LRRFIP2: variants seen among roughly 807,000 people sequenced by gnomAD.
LRRFIP2 encodes LRR binding FLII interacting protein 2, also known as leucine-rich repeat flightless-interacting protein 2.
Under a neutral mutation model 125.9 loss-of-function variants are expected in LRRFIP2, and 109 were observed. The ratio of observed to expected loss-of-function variants is 0.87; its 90% confidence interval spans 0.74 to 1.01. The LOEUF (loss-of-function observed/expected upper bound fraction) is 1.01, where lower values mean the gene tolerates loss of function less well. Among genes scored for constraint, LRRFIP2 ranks in the 50% least tolerant of loss-of-function variants. The pLI is 0.00. For synonymous variants in LRRFIP2, 291 were observed against 293.1 expected, an observed-to-expected ratio of 0.99 and a Z score of 0.07; for missense variants, 850 against 862.3, an observed-to-expected ratio of 0.99 and a Z score of 0.18.
chr3:37,065,619 AC>A, intron 23 of LRRFIP2, 190 bp downstream of exon 23: 2 of 726,064 alleles, frequency 2.8e-6, no homozygotes, highest in South Asian at 1.5e-5. Context: ...CCTTACAGTG[AC>A]CCAGATGCTG....
At chr3:37,135,393 G>C (rs778934863) in intron 2 of LRRFIP2, among the ~76,000 whole-genome samples, 1 of 151,592 alleles carries the variant, frequency 6.6e-6, no homozygotes, top group African/African-American at 2.4e-5. Flanking sequence ...AGGAGGCGGA[G>C]GCTGCAGTGA....
chr3:37,083,744 G>A lies in LRRFIP2; in HGVS notation c.1170C>T (p.Asp390=), dbSNP rs576073289. The A allele has an allele frequency of 6.2e-7, 1 of 1,601,348 alleles. No homozygotes were observed. Among genetic ancestry groups the A allele is most frequent in the East Asian group, 2.3e-5 (1 of 43,762 alleles). Residue 390 remains aspartate, a synonymous_variant, in exon 19 of 28, where the codon GAC becomes GAT. Coordinates refer to ENST00000336686, the MANE Select transcript of LRRFIP2 (RefSeq NM_006309.4). ...GGTAGATCAAATTGTTCTTCTCATT[G>A]TCTAACTGTGCATTGGAAACCATGG... ...KKAMVSNAQL[D]NEKNNLIYQV...
Position 37,092,492 on chromosome 3 carries a change from C to T in LRRFIP2, c.1036-954G>A, listed in dbSNP as rs529299518. On this transcript the variant is annotated intron_variant, in intron 17 of 27. Coordinates refer to ENST00000336686, the MANE Select transcript of LRRFIP2 (RefSeq NM_006309.4). ...CAGATGGTAGGATACAAAAATAACA[C>T]TTCCTTCAAGAAGGTCATTCTCTCA... Among the ~76,000 whole-genome samples the T allele has an allele frequency of 2.0e-5, 3 of 152,330 alleles. No individual in the cohort carries two copies. The South Asian group carries it at 6.2e-4, about 32-fold the overall frequency.
intron 1 of LRRFIP2, among the ~76,000 whole-genome samples, chr3:37,158,363 T>A (rs1204158427): frequency 6.6e-6 from 1 of 152,006 alleles, no homozygotes; most frequent in Non-Finnish European, 1.5e-5. Flanking sequence ...TCCCAGCACT[T>A]TGGGAGGTCA....
At chr3:37,166,168 A>G (rs1444743784) in intron 1 of LRRFIP2, among the ~76,000 whole-genome samples, 2 of 152,036 alleles carry the variant, frequency 1.3e-5, no homozygotes, top group Non-Finnish European at 2.9e-5. Flanking sequence ...CGTCTCTACT[A>G]AAAATACAAA....
chr3:37,081,486 C>T (rs1384226770), intron 19 of LRRFIP2, among the ~76,000 whole-genome samples: 1 of 151,794 alleles, frequency 6.6e-6, no homozygotes, highest in Non-Finnish European at 1.5e-5. Context: ...CAAGAGAGCT[C>T]GGAGTAAAGG....
chr3:37,161,601 T>C (rs1016546412), intron 1 of LRRFIP2, among the ~76,000 whole-genome samples: 12 of 152,220 alleles, frequency 7.9e-5, no homozygotes, highest in Non-Finnish European at 1.8e-4. Flanking sequence ...AGTTTCCTTG[T>C]AGGGGTAATG....
chr3:37,169,252 A>T (rs9858334), intron 1 of LRRFIP2, among the ~76,000 whole-genome samples: 4,990 of 152,328 alleles, frequency 0.033, 232 homozygotes, highest in African/African-American at 0.1. Context: ...AAATATTTTT[A>T]AAAAAGGTCA....
intron 21 of LRRFIP2, chr3:37,066,966 C>T (rs1437393719): frequency 6.6e-6 from 1 of 152,194 alleles, no homozygotes; most frequent in Non-Finnish European, 1.5e-5. Context: ...CTGTTATACT[C>T]CCAAAATGTG....
At chr3:37,150,543 C>T (rs1165168576) in intron 1 of LRRFIP2, among the ~76,000 whole-genome samples, 1 of 152,038 alleles carries the variant, frequency 6.6e-6, no homozygotes, top group African/African-American at 2.4e-5. Flanking sequence ...AGAAGAAAAA[C>T]CCATCCACCA....
At chr3:37,095,290 C>T (rs1576469386) in intron 16 of LRRFIP2, among the ~76,000 whole-genome samples, 1 of 152,186 alleles carries the variant, frequency 6.6e-6, no homozygotes. Context: ...CAGCACTTCC[C>T]CTTTTTAATT....
chr3:37,152,847 G>C (rs1176491221), intron 1 of LRRFIP2, among the ~76,000 whole-genome samples: 12 of 152,182 alleles, frequency 7.9e-5, no homozygotes. Context: ...TGACAATTTA[G>C]TGAATGCACT....
intron 6 of LRRFIP2, among the ~76,000 whole-genome samples, chr3:37,116,312 T>TA (rs113387783): frequency 0.041 from 5,984 of 146,752 alleles, 343 homozygotes; most frequent in African/African-American, 0.13. Context: ...TTTTTTTTTT[T>TA]AATTTTAGGA....
intron 20 of LRRFIP2, among the ~76,000 whole-genome samples, chr3:37,073,610 T>C (rs556777434): frequency 6.6e-5 from 10 of 152,250 alleles, no homozygotes; most frequent in Non-Finnish European, 1.0e-4. Flanking sequence ...AGCATAACCA[T>C]AGATACTAAC....
chr3:37,117,148 T>C (rs994215754), intron 6 of LRRFIP2, among the ~76,000 whole-genome samples: 1 of 149,498 alleles, frequency 6.7e-6, no homozygotes, highest in East Asian at 2.0e-4. Flanking sequence ...AAAACCTCCA[T>C]GACCAAAACA....
intron 21 of LRRFIP2, 39 bp downstream of exon 21, chr3:37,072,751 T>C: frequency 8.1e-7 from 1 of 1,234,638 alleles, no homozygotes; most frequent in Non-Finnish European, 1.2e-6. Context: ...GTAGTCCTCA[T>C]CAATGAGCTT....
chr3:37,101,252 G>A (rs2094023879), intron 15 of LRRFIP2, among the ~76,000 whole-genome samples: 1 of 151,964 alleles, frequency 6.6e-6, no homozygotes, highest in African/African-American at 2.4e-5. Context: ...AGCTACTCGG[G>A]AGGCTGAGGC....
At chr3:37,070,885 C>A (rs1024371877) in intron 21 of LRRFIP2, among the ~76,000 whole-genome samples, 1 of 152,102 alleles carries the variant, frequency 6.6e-6, no homozygotes, top group Admixed American at 6.5e-5. Flanking sequence ...GCCTACAGAT[C>A]TGTGTTAAAG....
At chr3:37,103,834 C>G (rs2094190643) in intron 14 of LRRFIP2, among the ~76,000 whole-genome samples, 1 of 152,144 alleles carries the variant, frequency 6.6e-6, no homozygotes, top group Non-Finnish European at 1.5e-5. Flanking sequence ...ATATAAATTC[C>G]ATAAAGTCAG....
Sources: allele counts gnomAD v4.1 joint callset (sites outside exome capture counted in the v4.1 genomes callset), GRCh38; gene constraint gnomAD v4.1.1; transcripts MANE v1.5; gene names NCBI Gene and HGNC (gene_info 2026-07-23, HGNC 2026-07-21).